Variants in AARS1 observed in about 807,000 individuals in gnomAD.
AARS1 encodes alanine--tRNA ligase, cytoplasmic.
A neutral mutation model predicts 108.9 loss-of-function variants in AARS1; 72 were observed. The ratio of observed to expected loss-of-function variants is 0.66; its 90% CI spans 0.55 to 0.80. The LOEUF (loss-of-function observed/expected upper bound fraction) is 0.80, where lower values mean the gene tolerates loss of function less well. AARS1 is among the 30% of genes least tolerant of loss of function. AARS1 has a pLI of 0.00. For synonymous variants in AARS1, 489 were observed against 465.7 expected, an observed-to-expected ratio of 1.05 and a Z score of -0.64; for missense variants, 1,193 against 1,233.2, an observed-to-expected ratio of 0.97 and a Z score of 0.49.
At chr16:70,253,471 AC>A in intron 19 of AARS1, 90 bp from the exon 20 acceptor site, 2 of 1,145,708 alleles carry the variant, frequency 1.7e-6, no homozygotes, top group Admixed American at 1.9e-5. Context: ...CCTGCCACCC[AC>A]CCCTACCCCT....
At chr16:70,264,927 G>A (rs1390580001) in intron 11 of AARS1, 31 bp downstream of exon 11, 4 of 1,613,722 alleles carry the variant, frequency 2.5e-6, no homozygotes, top group Non-Finnish European at 3.4e-6. Flanking sequence ...GGGGCAGAAT[G>A]CTCAGATGTG....
intron 15 of AARS1, 55 bp from the exon 16 acceptor site, chr16:70,255,891 G>A: frequency 2.0e-6 from 3 of 1,516,250 alleles, no homozygotes; most frequent in Non-Finnish European, 2.7e-6. Flanking sequence ...GCCCTTGGCT[G>A]GGGGGTCACA....
rs185507670 is a variant in AARS1 at position 70,276,866 on chromosome 16, A to G, written c.333+100T>C. 9.3e-5 allele frequency: 128 copies of G among 1,382,480 alleles called. No individual in the cohort carries two copies. The African/African-American group carries it at 1.6e-3, about 18-fold the overall frequency. 85.6% of individuals were successfully genotyped at this position (1,382,480 alleles called of 1,614,324 possible). A position where few individuals can be genotyped will look rare whatever the true frequency, so the allele number is the denominator to read the frequency against. ...CATTCATTCCTGAATCACCTAGATGATATTTCATATTTTAAAACATGCAAA... is the reference window on the plus strand; with the variant it reads ...CATTCATTCCTGAATCACCTAGATGGTATTTCATATTTTAAAACATGCAAA... On this transcript the variant is annotated intron_variant, in intron 3 of 20. Coordinates refer to ENST00000261772, the MANE Select transcript of AARS1 (RefSeq NM_001605.3).
At chr16:70,268,815 T>C (rs1184065473) in intron 7 of AARS1, among the ~76,000 whole-genome samples, 1 of 152,214 alleles carries the variant, frequency 6.6e-6, no homozygotes, top group Non-Finnish European at 1.5e-5. Flanking sequence ...GTGGCAACTC[T>C]GTGACACTAG....
In AARS1 at chr16:70,255,088, G is replaced by A. The variant is rs11643367; in HGVS notation, c.2287-354C>T. On this transcript the variant is annotated intron_variant, in intron 16 of 20. Coordinates refer to ENST00000261772, the MANE Select transcript of AARS1 (RefSeq NM_001605.3). ...TACTGCACGGCCTCAGACTAAGCAC[G>A]CCCCTAGGAGTACATGGATCAGCGC... is the stretch of plus-strand genomic sequence containing the variant. Among the ~76,000 whole-genome samples, 756 of 151,912 alleles carry A rather than the reference G, an allele frequency of 5.0e-3. 5 individuals are homozygous for A. In the Middle Eastern group the frequency reaches 0.058, roughly 12 times the overall value.
chr16:70,279,813 C>T (rs902612009), intron 2 of AARS1, among the ~76,000 whole-genome samples: 8 of 152,116 alleles, frequency 5.3e-5, no homozygotes, highest in African/African-American at 1.4e-4. Context: ...AAGCCTATCC[C>T]GTTGAATGAG....
chr16:70,273,316 T>C (rs1032326793), intron 4 of AARS1, among the ~76,000 whole-genome samples: 6 of 152,184 alleles, frequency 3.9e-5, no homozygotes, highest in African/African-American at 1.4e-4. Context: ...CAGATTCTCC[T>C]TGATGCAGCA....
intron 3 of AARS1, 58 bp downstream of exon 3, chr16:70,276,908 C>A: frequency 6.4e-7 from 1 of 1,574,136 alleles, no homozygotes; most frequent in Non-Finnish European, 8.7e-7. Context: ...ACCCAGTTCC[C>A]AGTGTGGAAA....
At position 70,255,193 on chromosome 16, in the gene AARS1, CA is replaced by C. The variant is rs1289795960; in HGVS notation, c.2287-460del. Among the ~76,000 whole-genome samples, 28 of 124,768 alleles carry C rather than the reference CA, an allele frequency of 2.2e-4. 1 individual carries two copies. The highest frequency in any genetic ancestry group is 6.7e-4 in the African/African-American group (21 of 31,490). The allele number at this position is 124,768 out of a possible 152,430, so 81.9% of individuals were successfully genotyped here. ...AGGAGGGGGTAGATGGCCAGATTCA[CA>C]TTTTTTTTTTTTTTTTTTTTTTGGA... On this transcript the variant is annotated intron_variant, in intron 16 of 20. Coordinates refer to ENST00000261772, the MANE Select transcript of AARS1 (RefSeq NM_001605.3).
chr16:70,253,717 G>C lies in AARS1; in HGVS notation c.2604C>G (p.Ala868=). Residue 868 remains alanine (A), a synonymous_variant, in exon 19 of 21, where the codon GCC becomes GCG. Coordinates refer to ENST00000261772, the MANE Select transcript of AARS1 (RefSeq NM_001605.3). ...GGGACCCTGGCCCCTGGGTTGCCTT[G>C]GCTGAGGCGCCGCTCTCCATCTCCA... ...VILEMESGAS[A]KALNEALKLF... The C allele has an allele frequency of 6.2e-7, 1 of 1,613,786 alleles. No homozygotes were observed. The highest frequency in any genetic ancestry group is 8.5e-7 in the Non-Finnish European group (1 of 1,180,024).
In AARS1 at chr16:70,271,812, T is replaced by A; in HGVS notation, c.640A>T (p.Ile214Phe). The A allele has an allele frequency of 6.2e-7, 1 of 1,613,808 alleles. No individual in the cohort carries two copies. Among genetic ancestry groups the A allele is most frequent in the Non-Finnish European group, 8.5e-7 (1 of 1,179,794 alleles). The change falls in exon 5 of 21, where the codon ATC becomes TTC. Residue 214 changes from isoleucine (I) to phenylalanine (F), a missense_variant. Physicochemically the swap from Ile to Phe is conservative, Grantham distance 21. Coordinates refer to ENST00000261772, the MANE Select transcript of AARS1 (RefSeq NM_001605.3). ...VNQDDPNVLE[I>F]WNLVFIQYNR... is the part of the protein sequence containing the mutation. The stretch of plus-strand genomic sequence containing the variant: ...TACTGGATGAACACAAGGTTCCAGA[T>A]CTCCAGCACATTAGGGTCGTCCTGG...
At position 70,258,280 on chromosome 16, in the gene AARS1, C is replaced by T. The variant is rs926140963; in HGVS notation, c.1993-63G>A. 6 of 1,533,668 alleles carry T rather than the reference C, an allele frequency of 3.9e-6. No homozygotes were observed. The African/African-American group carries it at 6.9e-5, about 18-fold the overall frequency. ...TCCCTGGAGGTGCGGTACGACGAGGCAGGAAAGCATGGTCCTGCAGGCAGG... is the reference window on the plus strand; with the variant it reads ...TCCCTGGAGGTGCGGTACGACGAGGTAGGAAAGCATGGTCCTGCAGGCAGG... On this transcript the variant is annotated intron_variant, in intron 14 of 20. Transcript: ENST00000261772.
chr16:70,283,344 C>T (rs1960753317), intron 1 of AARS1, among the ~76,000 whole-genome samples: 1 of 151,554 alleles, frequency 6.6e-6, no homozygotes, highest in South Asian at 2.1e-4. Flanking sequence ...TTGCAGTGAG[C>T]CAAGACCACA....
At chr16:70,286,979 C>A (rs553840212) in intron 1 of AARS1, among the ~76,000 whole-genome samples, 184 of 148,512 alleles carry the variant, frequency 1.2e-3, no homozygotes, top group African/African-American at 4.3e-3. Flanking sequence ...AGGCCGGGCG[C>A]GGTGGCTCAC....
chr16:70,268,163 G>A (rs982030765), intron 8 of AARS1, 108 bp downstream of exon 8: 38 of 1,056,822 alleles, frequency 3.6e-5, no homozygotes, highest in Middle Eastern at 2.9e-4. Flanking sequence ...GTGAGACTCC[G>A]TCTCAAAAAA....
rs1028184402 is a variant in AARS1 at position 70,286,704 on chromosome 16, G to C, written c.-22+2717C>G. ...TACAACACAACAAAAAATTAGCGGG[G>C]TGTGGTGGCACGCACCTATAATCCC... On this transcript the variant is annotated intron_variant, in intron 1 of 20. Coordinates refer to ENST00000261772, the MANE Select transcript of AARS1 (RefSeq NM_001605.3). Among the ~76,000 whole-genome samples, 3 of 151,762 alleles carry C rather than the reference G, an allele frequency of 2.0e-5. No individual in the cohort carries two copies. The South Asian group carries it at 6.2e-4, about 32-fold the overall frequency.
At chr16:70,278,454 A>T (rs1042181325) in intron 2 of AARS1, among the ~76,000 whole-genome samples, 48 of 151,278 alleles carry the variant, frequency 3.2e-4, no homozygotes, top group Non-Finnish European at 6.9e-4. Flanking sequence ...AATTCCAGCT[A>T]CTCAGGAGGC....
At chr16:70,266,255 A>C (rs1056966056) in intron 9 of AARS1, among the ~76,000 whole-genome samples, 8 of 152,152 alleles carry the variant, frequency 5.3e-5, no homozygotes, top group African/African-American at 1.7e-4. Context: ...TGGAGCTTGC[A>C]GTGAGCCGAG....
chr16:70,271,318 T>C (rs965703191), intron 5 of AARS1, among the ~76,000 whole-genome samples: 1 of 151,398 alleles, frequency 6.6e-6, no homozygotes, highest in South Asian at 2.1e-4. Context: ...CACCTGAGGT[T>C]GGGAGTTCGA....
Sources: allele counts gnomAD v4.1 joint callset (sites outside exome capture counted in the v4.1 genomes callset), GRCh38; gene constraint gnomAD v4.1.1; transcripts MANE v1.5; gene names NCBI Gene and HGNC (gene_info 2026-07-23, HGNC 2026-07-21).